Variants in BRINP3 observed in about 807,000 individuals in gnomAD.
BRINP3 encodes the protein BMP/retinoic acid-inducible neural-specific protein 3.
Under a neutral mutation model 71.0 loss-of-function variants are expected in BRINP3, and 19 were observed. That is an observed-to-expected ratio of 0.27 (90% CI 0.19 to 0.39). The LOEUF (loss-of-function observed/expected upper bound fraction) is 0.39, where lower values mean the gene tolerates loss of function less well. Ranked by LOEUF, BRINP3 falls within the 10% of genes least tolerant of loss-of-function variation. The pLI, the probability that BRINP3 is intolerant of heterozygous loss-of-function variation, is 1.00. For synonymous variants in BRINP3, 380 were observed against 337.7 expected (o/e 1.13, Z -1.37); for missense variants, 959 against 940.8 (o/e 1.02, Z -0.25).
In BRINP3 at chr1:190,128,693, T is replaced by C. The variant is rs532192484; in HGVS notation, c.1185-29559A>G. ...TTCCTATTTGATATTTGCTGTGATT[T>C]ACCAGTTTATCACATAAAAGATGAA... On this transcript the variant is annotated intron_variant, in intron 7 of 7. Transcript: ENST00000367462. Among the ~76,000 whole-genome samples, 8 of 151,970 alleles carry C rather than the reference T, an allele frequency of 5.3e-5. No homozygotes were observed. In the South Asian group the frequency reaches 1.2e-3, roughly 24 times the overall value.
intron 2 of BRINP3, among the ~76,000 whole-genome samples, chr1:190,341,735 A>G (rs1667671852): frequency 6.6e-6 from 1 of 151,842 alleles, no homozygotes; most frequent in South Asian, 2.1e-4. Context: ...AATTACATGC[A>G]CAAAGACAAA....
At chr1:190,412,466 G>GTTTTT (rs1216884351) in intron 2 of BRINP3, among the ~76,000 whole-genome samples, 14 of 105,996 alleles carry the variant, frequency 1.3e-4, no homozygotes, top group South Asian at 3.0e-4. Context: ...GTTTTTTTTT[G>GTTTTT]TTTTTTTTTT....
intron 2 of BRINP3, among the ~76,000 whole-genome samples, chr1:190,293,705 T>C (rs907223670): frequency 2.0e-5 from 3 of 152,196 alleles, no homozygotes; most frequent in African/African-American, 7.2e-5. Flanking sequence ...TGTTGTGGTA[T>C]TAGTACACAA....
chr1:190,357,155 T>TA (rs1213244822), intron 2 of BRINP3, among the ~76,000 whole-genome samples: 1 of 151,978 alleles, frequency 6.6e-6, no homozygotes. Context: ...TTAGAAGTGA[T>TA]AATGTAACTA....
intron 6 of BRINP3, among the ~76,000 whole-genome samples, chr1:190,184,745 AGGAG>A (rs1653357380): frequency 6.6e-6 from 1 of 152,124 alleles, no homozygotes; most frequent in African/African-American, 2.4e-5. Flanking sequence ...AGAAGTGGGA[AGGAG>A]GGAGGGAGAC....
chr1:190,392,952 C>T (rs768120846), intron 2 of BRINP3, among the ~76,000 whole-genome samples: 10 of 151,446 alleles, frequency 6.6e-5, no homozygotes, highest in African/African-American at 9.7e-5. Context: ...GTAGTTATGG[C>T]CAGACTTGAA....
chr1:190,164,356 T>C (rs1651287893), intron 6 of BRINP3, among the ~76,000 whole-genome samples: 1 of 152,168 alleles, frequency 6.6e-6, no homozygotes, highest in South Asian at 2.1e-4. Context: ...TCTTGAGTTA[T>C]AAATCAACTA....
At chr1:190,193,600 T>A (rs1430166564) in intron 6 of BRINP3, among the ~76,000 whole-genome samples, 1 of 152,058 alleles carries the variant, frequency 6.6e-6, no homozygotes, top group African/African-American at 2.4e-5. Flanking sequence ...AAGTTAAGGA[T>A]CTCAACATTG....
intron 7 of BRINP3, among the ~76,000 whole-genome samples, chr1:190,102,545 G>T (rs1651791120): frequency 6.6e-6 from 1 of 152,022 alleles, no homozygotes; most frequent in Non-Finnish European, 1.5e-5. Flanking sequence ...TTATCAAACA[G>T]GTGGCAATAT....
At chr1:190,418,262 G>A (rs539484375) in intron 2 of BRINP3, among the ~76,000 whole-genome samples, 1 of 152,136 alleles carries the variant, frequency 6.6e-6, no homozygotes, top group Non-Finnish European at 1.5e-5. Flanking sequence ...ACTTGCCCAG[G>A]CTGGTCTCGG....
At chr1:190,205,155 G>C (rs529993287) in intron 6 of BRINP3, among the ~76,000 whole-genome samples, 1 of 152,010 alleles carries the variant, frequency 6.6e-6, no homozygotes, top group Non-Finnish European at 1.5e-5. Context: ...AGATGGGTAG[G>C]AGGCAGACAC....
chr1:190,278,569 A>G (rs1571612622), intron 3 of BRINP3, among the ~76,000 whole-genome samples: 1 of 151,704 alleles, frequency 6.6e-6, no homozygotes, highest in Non-Finnish European at 1.5e-5. Context: ...AATTTCATGC[A>G]TCTTAACTGA....
chr1:190,264,553 A>C (rs1661483857), intron 4 of BRINP3, among the ~76,000 whole-genome samples: 1 of 152,190 alleles, frequency 6.6e-6, no homozygotes, highest in South Asian at 2.1e-4. Flanking sequence ...TGATGTTATT[A>C]AAACAAATTT....
chr1:190,390,801 T>C (rs569025359), intron 2 of BRINP3, among the ~76,000 whole-genome samples: 21 of 151,816 alleles, frequency 1.4e-4, no homozygotes, highest in Middle Eastern at 3.4e-3. Flanking sequence ...AGAATGAGTA[T>C]AGAGAAATTA....
chr1:190,451,337 T>G (rs1675592155), intron 2 of BRINP3, among the ~76,000 whole-genome samples: 1 of 152,170 alleles, frequency 6.6e-6, no homozygotes, highest in Non-Finnish European at 1.5e-5. Flanking sequence ...CCACTAAAAA[T>G]GAGTCCCTTG....
intron 2 of BRINP3, among the ~76,000 whole-genome samples, chr1:190,422,868 T>G (rs1236286482): frequency 2.0e-5 from 3 of 151,904 alleles, no homozygotes; most frequent in Admixed American, 1.3e-4. Context: ...CATATATGAC[T>G]TACAAAGCTG....
At position 190,141,515 on chromosome 1, in the gene BRINP3, T is replaced by C. The variant is rs891555110; in HGVS notation, c.1184+19153A>G. 5.9e-5 allele frequency among the ~76,000 whole-genome samples: 9 copies of C among 151,362 alleles called. No individual in the cohort carries two copies. In the South Asian group the frequency reaches 1.9e-3, roughly 32 times the overall value. Reference sequence around the variant, plus strand: ...TCACTTAATATTTTAATCCTCTTTCTTTCTCTTTTTCTTTCTTTCTCTCTC... The same window carrying C: ...TCACTTAATATTTTAATCCTCTTTCCTTCTCTTTTTCTTTCTTTCTCTCTC... On this transcript the variant is annotated intron_variant, in intron 7 of 7. Transcript: ENST00000367462.
At chr1:190,454,578 C>A in intron 2 of BRINP3, 77 bp downstream of exon 2, 1 of 1,212,654 alleles carries the variant, frequency 8.2e-7, no homozygotes, top group Non-Finnish European at 1.2e-6. Context: ...CCGTCTGAAA[C>A]TTTCCCTTAG....
chr1:190,222,572 CA>C (rs553801721), intron 6 of BRINP3, among the ~76,000 whole-genome samples: 144 of 150,612 alleles, frequency 9.6e-4, no homozygotes, highest in African/African-American at 2.6e-3. Flanking sequence ...AAAGTTGAGA[CA>C]AAAAAATACA....
Sources: allele counts gnomAD v4.1 joint callset (sites outside exome capture counted in the v4.1 genomes callset), GRCh38; gene constraint gnomAD v4.1.1; transcripts MANE v1.5; gene names NCBI Gene and HGNC (gene_info 2026-07-23, HGNC 2026-07-21).